CADPS: variants seen among roughly 807,000 people sequenced by gnomAD.
CADPS encodes the protein calcium dependent secretion activator, also known as calcium-dependent secretion activator 1.
A neutral mutation model predicts 167.3 loss-of-function variants in CADPS; 57 were observed. The ratio of observed to expected loss-of-function variants is 0.34; its 90% CI spans 0.28 to 0.42. The LOEUF is 0.42. Among genes scored for constraint, CADPS ranks in the 20% least tolerant of loss-of-function variants. The probability of loss-of-function intolerance (pLI) is 1.00; values close to 1 mark genes in which losing one functional copy is unlikely to be tolerated. For synonymous variants in CADPS, 676 were observed against 635.3 expected, an observed-to-expected ratio of 1.06 and a Z score of -0.96; for missense variants, 1,414 against 1,738.1, an observed-to-expected ratio of 0.81 and a Z score of 3.32.
chr3:62,706,215 C>T (rs1309323393), intron 3 of CADPS, among the ~76,000 whole-genome samples: 1 of 152,106 alleles, frequency 6.6e-6, no homozygotes, highest in Non-Finnish European at 1.5e-5. Flanking sequence ...CTAATGAAGC[C>T]TACCATGATG....
intron 9 of CADPS, among the ~76,000 whole-genome samples, chr3:62,560,440 G>A (rs904120017): frequency 6.6e-6 from 1 of 152,210 alleles, no homozygotes; most frequent in African/African-American, 2.4e-5. Context: ...AGGCATGGCA[G>A]AGCCTGGAAT....
At chr3:62,733,824 C>A (rs948865745) in intron 3 of CADPS, among the ~76,000 whole-genome samples, 2 of 152,138 alleles carry the variant, frequency 1.3e-5, no homozygotes, top group Admixed American at 1.3e-4. Context: ...AATATGTAGT[C>A]TTTGGTCCCT....
At chr3:62,870,326 G>C (rs569636233) in intron 1 of CADPS, among the ~76,000 whole-genome samples, 7 of 152,254 alleles carry the variant, frequency 4.6e-5, no homozygotes, top group Admixed American at 1.3e-4. Flanking sequence ...GTAGACCAAA[G>C]TGCCTCAAAA....
chr3:62,841,877 C>T (rs988227636), intron 1 of CADPS, among the ~76,000 whole-genome samples: 14 of 152,206 alleles, frequency 9.2e-5, no homozygotes, highest in African/African-American at 2.4e-4. Flanking sequence ...GGTTCTCTCT[C>T]GCTAAAAAAT....
chr3:62,778,297 G>A (rs889278207), intron 1 of CADPS, among the ~76,000 whole-genome samples: 6 of 152,266 alleles, frequency 3.9e-5, no homozygotes, highest in Non-Finnish European at 5.9e-5. Context: ...AAGAAATGTC[G>A]AGATCATTGT....
chr3:62,647,597 G>A (rs1242648576), intron 5 of CADPS, among the ~76,000 whole-genome samples: 2 of 152,082 alleles, frequency 1.3e-5, no homozygotes, highest in African/African-American at 4.8e-5. Flanking sequence ...CTGTAAAGTG[G>A]GAATAAAAAT....
At chr3:62,748,043 G>A (rs942694736) in intron 3 of CADPS, among the ~76,000 whole-genome samples, 7 of 151,752 alleles carry the variant, frequency 4.6e-5, no homozygotes, top group African/African-American at 9.7e-5. Flanking sequence ...GAAGATGGCC[G>A]GGCGTGGCGG....
chr3:62,873,474 A>G (rs1384052745), intron 1 of CADPS, among the ~76,000 whole-genome samples: 1 of 152,170 alleles, frequency 6.6e-6, no homozygotes, highest in African/African-American at 2.4e-5. Flanking sequence ...AAAAGAGAAC[A>G]GAACGCTGAC....
At chr3:62,791,798 G>A (rs968064313) in intron 1 of CADPS, among the ~76,000 whole-genome samples, 46 of 152,150 alleles carry the variant, frequency 3.0e-4, no homozygotes, top group African/African-American at 1.0e-3. Flanking sequence ...AATGTGTCAC[G>A]TTAAGCAAGA....
chr3:62,496,695 A>T (rs766068325), intron 18 of CADPS, among the ~76,000 whole-genome samples: 2 of 152,298 alleles, frequency 1.3e-5, no homozygotes, highest in South Asian at 4.1e-4. Context: ...GGAAGAGAAG[A>T]GGCAAAGCTA....
At chr3:62,734,388 A>G (rs2078563445) in intron 3 of CADPS, among the ~76,000 whole-genome samples, 1 of 152,154 alleles carries the variant, frequency 6.6e-6, no homozygotes, top group South Asian at 2.1e-4. Flanking sequence ...CATTTTGGAC[A>G]TTACAGACAT....
In CADPS at chr3:62,478,319, G is replaced by T; in HGVS notation, c.3271C>A (p.His1091Asn). Residue 1091 changes from histidine to asparagine, a missense_variant, in exon 23 of 30, where the codon CAC becomes AAC. Transcript: ENST00000383710. The surrounding 1 kb of genome is among the most constrained non-coding windows in gnomAD (Gnocchi z 5.7). ...LHWPEEEFGK[H>N]LEQRLKLMAS... is the part of the protein sequence containing the mutation. ...ATCAACTTCAGCCGTTGTTCCAGGT[G>T]CTTTCCAAACTCTTCTTCAGGCCAG... 1 of 1,613,870 alleles carries T rather than the reference G, an allele frequency of 6.2e-7. No individual in the cohort carries two copies. The highest frequency in any genetic ancestry group is 8.5e-7 in the Non-Finnish European group (1 of 1,179,822).
At chr3:62,647,278 G>A (rs2068801787) in intron 5 of CADPS, among the ~76,000 whole-genome samples, 1 of 152,174 alleles carries the variant, frequency 6.6e-6, no homozygotes, top group Non-Finnish European at 1.5e-5. Flanking sequence ...AATAGGGTTA[G>A]CATTGAACCA....
chr3:62,560,759 A>ATG, intron 9 of CADPS, among the ~76,000 whole-genome samples: 1 of 152,168 alleles, frequency 6.6e-6, no homozygotes, highest in Non-Finnish European at 1.5e-5. Context: ...CTTAAACTAC[A>ATG]GAATGCTTTG....
intron 6 of CADPS, among the ~76,000 whole-genome samples, chr3:62,610,252 T>C (rs923616489): frequency 9.2e-5 from 14 of 151,682 alleles, no homozygotes; most frequent in Non-Finnish European, 1.9e-4. Context: ...CTTTTCTTTC[T>C]TTTCTTTCTT....
At chr3:62,467,700 C>T (rs2060106945) in intron 24 of CADPS, among the ~76,000 whole-genome samples, 1 of 152,058 alleles carries the variant, frequency 6.6e-6, no homozygotes, top group Non-Finnish European at 1.5e-5. Flanking sequence ...AGGGAGAAAC[C>T]AGTATGAAAC....
intron 8 of CADPS, among the ~76,000 whole-genome samples, chr3:62,584,634 T>C (rs972651695): frequency 1.3e-5 from 2 of 152,250 alleles, no homozygotes; most frequent in African/African-American, 4.8e-5. Flanking sequence ...TTACCTATTC[T>C]TTTTGCTTTA....
At chr3:62,703,841 G>A (rs536181434) in intron 3 of CADPS, among the ~76,000 whole-genome samples, 11 of 152,144 alleles carry the variant, frequency 7.2e-5, no homozygotes, top group African/African-American at 1.7e-4. Flanking sequence ...TGCAGCAGTC[G>A]GCACATAAAA....
chr3:62,835,187 A>C (rs2075719203), intron 1 of CADPS, among the ~76,000 whole-genome samples: 1 of 152,200 alleles, frequency 6.6e-6, no homozygotes, highest in African/African-American at 2.4e-5. Flanking sequence ...GTTTCATGCA[A>C]ATAAATGAAG....
Sources: allele counts gnomAD v4.1 joint callset (sites outside exome capture counted in the v4.1 genomes callset), GRCh38; gene constraint gnomAD v4.1.1; non-coding constraint Gnocchi (gnomAD v3.1); transcripts MANE v1.5; gene names NCBI Gene and HGNC (gene_info 2026-07-23, HGNC 2026-07-21).